MUSK: variants seen among roughly 807,000 people sequenced by gnomAD.
The protein encoded by MUSK is muscle associated receptor tyrosine kinase.
MUSK carries 55 observed loss-of-function variants against 88.7 expected under a neutral mutation model. That is an observed-to-expected ratio of 0.62 (90% confidence interval 0.50 to 0.78). The LOEUF (loss-of-function observed/expected upper bound fraction) is 0.78. Ranked by LOEUF, MUSK falls within the 30% of genes least tolerant of loss-of-function variation. The pLI, the probability that MUSK is intolerant of heterozygous loss-of-function variation, is 0.00. For synonymous variants in MUSK, 387 were observed against 391.9 expected, an observed-to-expected ratio of 0.99 and a Z score of 0.15; for missense variants, 1,015 against 1,074.3, an observed-to-expected ratio of 0.94 and a Z score of 0.77.
intron 11 of MUSK, among the ~76,000 whole-genome samples, chr9:110,784,238 A>T (rs879836158): frequency 3.9e-5 from 6 of 152,188 alleles, no homozygotes; most frequent in Non-Finnish European, 7.4e-5. Context: ...TGTACTCTAC[A>T]AATAGTGGTA....
At chr9:110,791,078 T>C (rs2077966657) in intron 14 of MUSK, among the ~76,000 whole-genome samples, 1 of 151,672 alleles carries the variant, frequency 6.6e-6, no homozygotes, top group Non-Finnish European at 1.5e-5. Flanking sequence ...GGGGGTAGGA[T>C]CAATAGATTA....
At chr9:110,689,174 T>C (rs1189950816) in intron 3 of MUSK, among the ~76,000 whole-genome samples, 1 of 80,484 alleles carries the variant, frequency 1.2e-5, no homozygotes, top group African/African-American at 6.8e-5. Context: ...ATAAACTATA[T>C]ATTTATATAA....
At chr9:110,708,102 ATC>A (rs2076623521) in intron 5 of MUSK, among the ~76,000 whole-genome samples, 1 of 149,354 alleles carries the variant, frequency 6.7e-6, no homozygotes, top group Non-Finnish European at 1.5e-5. Flanking sequence ...CTATCTATCT[ATC>A]TATCTATCTA....
chr9:110,737,437 T>G (rs955725761), intron 6 of MUSK, among the ~76,000 whole-genome samples: 1 of 152,086 alleles, frequency 6.6e-6, no homozygotes, highest in East Asian at 1.9e-4. Flanking sequence ...TATTGAACCA[T>G]TCTTTCATTT....
In MUSK at chr9:110,702,660, G is replaced by A. The variant is rs570099792; in HGVS notation, c.628+5194G>A. 9.1e-4 allele frequency among the ~76,000 whole-genome samples: 139 copies of A among 152,206 alleles called. 1 individual carries two copies. The highest frequency in any genetic ancestry group is 3.3e-3 in the African/African-American group (136 of 41,528). On this transcript the variant is annotated intron_variant, in intron 5 of 14. Coordinates refer to ENST00000374448, the MANE Select transcript of MUSK (RefSeq NM_005592.4). ...ACAGTGGCTCACCCCTGTAATCCCA[G>A]CACATTGGGAGGCTGATGGCTTGAG...
intron 5 of MUSK, 77 bp downstream of exon 5, chr9:110,697,543 G>A (rs1021607988): frequency 1.4e-6 from 2 of 1,472,758 alleles, no homozygotes; most frequent in African/African-American, 1.4e-5. Flanking sequence ...ACCTGGGCTT[G>A]GGAGAGAAGA....
chr9:110,778,550 A>C (rs1380238533), intron 11 of MUSK, among the ~76,000 whole-genome samples: 3 of 152,142 alleles, frequency 2.0e-5, no homozygotes, highest in South Asian at 2.1e-4. Flanking sequence ...TACATACATT[A>C]TCTCTCTTAA....
intron 9 of MUSK, among the ~76,000 whole-genome samples, chr9:110,770,955 T>G (rs1202516289): frequency 1.3e-5 from 2 of 152,070 alleles, no homozygotes; most frequent in African/African-American, 4.8e-5. Flanking sequence ...TGTAATTTTT[T>G]GGATCATATT....
chr9:110,673,405 C>A (rs1325821726), intron 1 of MUSK, among the ~76,000 whole-genome samples: 1 of 152,090 alleles, frequency 6.6e-6, no homozygotes, highest in Non-Finnish European at 1.5e-5. Flanking sequence ...ATAGTATCTA[C>A]CTTTTTTGTG....
At chr9:110,763,736 TAG>T (rs1357481191) in intron 8 of MUSK, among the ~76,000 whole-genome samples, 1 of 152,128 alleles carries the variant, frequency 6.6e-6, no homozygotes, top group East Asian at 1.9e-4. Flanking sequence ...GAGTTTCCAC[TAG>T]AGTCTTGGGG....
At chr9:110,768,741 T>C (rs1334858882) in intron 9 of MUSK, among the ~76,000 whole-genome samples, 1 of 152,156 alleles carries the variant, frequency 6.6e-6, no homozygotes, top group Non-Finnish European at 1.5e-5. Context: ...AAACTGTACA[T>C]TATTTGTCAA....
At chr9:110,734,681 C>T (rs541878541) in intron 6 of MUSK, among the ~76,000 whole-genome samples, 6 of 152,054 alleles carry the variant, frequency 3.9e-5, no homozygotes, top group Admixed American at 1.3e-4. Context: ...AACTCATCAC[C>T]GAAAGATTAG....
chr9:110,679,670 C>A (rs763012029), intron 1 of MUSK, among the ~76,000 whole-genome samples: 15 of 151,794 alleles, frequency 9.9e-5, no homozygotes, highest in Middle Eastern at 3.4e-3. Flanking sequence ...ATTGATAAAG[C>A]CTTTCTGGTA....
chr9:110,729,612 C>A (rs527847757), intron 5 of MUSK, among the ~76,000 whole-genome samples: 32 of 152,012 alleles, frequency 2.1e-4, no homozygotes, highest in Non-Finnish European at 3.1e-4. Flanking sequence ...TTACCTGGTC[C>A]TATGTGAATT....
chr9:110,763,019 A>G (rs1211432224), intron 8 of MUSK, among the ~76,000 whole-genome samples: 1 of 152,162 alleles, frequency 6.6e-6, no homozygotes, highest in Admixed American at 6.5e-5. Context: ...TGCATTTGTT[A>G]ATTAGCTCAA....
chr9:110,755,560 CA>C (rs562011699), intron 7 of MUSK, among the ~76,000 whole-genome samples: 3 of 151,982 alleles, frequency 2.0e-5, no homozygotes, highest in Non-Finnish European at 4.4e-5. Flanking sequence ...AGGCAGATTC[CA>C]TAATTTCCAG....
intron 1 of MUSK, among the ~76,000 whole-genome samples, chr9:110,671,365 CA>C (rs1177362318): frequency 1.3e-5 from 2 of 152,024 alleles, no homozygotes; most frequent in Non-Finnish European, 2.9e-5. Context: ...ACGGTAATAA[CA>C]AAAAGAGTTT....
At chr9:110,783,331 T>A (rs1374768704) in intron 11 of MUSK, among the ~76,000 whole-genome samples, 1 of 152,072 alleles carries the variant, frequency 6.6e-6, no homozygotes, top group Non-Finnish European at 1.5e-5. Flanking sequence ...CTGGAACATA[T>A]TATAAATATG....
At chr9:110,686,975 A>C in intron 2 of MUSK, 142 bp from the exon 3 acceptor site, 1 of 665,976 alleles carries the variant, frequency 1.5e-6, no homozygotes. Context: ...AAGTAAGGTT[A>C]TTCTATTATT....
Sources: gnomAD v4.1 joint callset for allele counts (sites outside exome capture counted in the v4.1 genomes callset) on GRCh38, gnomAD v4.1.1 for gene constraint, MANE v1.5 for transcripts, NCBI Gene and HGNC (gene_info 2026-07-23, HGNC 2026-07-21) for gene names.